Variants in NOC2L observed in about 807,000 individuals in gnomAD.
NOC2L encodes the protein nucleolar complex protein 2 homolog.
Under a neutral mutation model 94.2 loss-of-function variants are expected in NOC2L, and 101 were observed. The observed-to-expected ratio is 1.07, with a 90% confidence interval of 0.91 to 1.26. NOC2L has a LOEUF of 1.26. Ranked by LOEUF, NOC2L falls within the 50% of genes most tolerant of loss-of-function variation. The pLI, the probability that NOC2L is intolerant of heterozygous loss-of-function variation, is 0.00. For missense variants in NOC2L, 1,076 were observed against 980.1 expected (o/e 1.10, Z -1.31); for synonymous variants, 531 against 413.4 (o/e 1.28, Z -3.45).
At position 944,462 on chromosome 1, in the gene NOC2L, G is replaced by A; in HGVS notation, c.*232C>T. On this transcript the variant is annotated 3_prime_UTR_variant, in exon 19 of 19. Transcript: ENST00000327044. ...TGACGTCAGGGTCAGCTCCCCCGCG[G>A]AGCTGACTTCAGCAGCCCACAGCTG... 2.5e-6 allele frequency: 2 copies of A among 804,568 alleles called. No homozygotes were observed. Among genetic ancestry groups the A allele is most frequent in the Non-Finnish European group, 3.7e-6 (2 of 547,774 alleles). 49.8% of individuals were successfully genotyped at this position (804,568 alleles called of 1,614,324 possible).
chr1:946,759 C>T, intron 14 of NOC2L: 1 of 558,770 alleles, frequency 1.8e-6, no homozygotes. Context: ...CTACTCACCT[C>T]TGGAAATAAA....
intron 18 of NOC2L, 99 bp from the exon 19 acceptor site, chr1:944,899 T>C: frequency 1.5e-6 from 2 of 1,365,846 alleles, no homozygotes; most frequent in South Asian, 2.6e-5. Flanking sequence ...CTAATTAATT[T>C]ATCCCTGTTG....
At chr1:946,716 G>T in intron 14 of NOC2L, 171 bp from the exon 15 acceptor site, 1 of 746,768 alleles carries the variant, frequency 1.3e-6, no homozygotes, top group Non-Finnish European at 2.1e-6. Flanking sequence ...GGCAGAGGCA[G>T]AATCAGCCCA....
At position 957,321 on chromosome 1, in the gene NOC2L, G is replaced by T. The variant is rs202009528; in HGVS notation, c.180-48C>A. The T allele has an allele frequency of 4.4e-6, 7 of 1,590,774 alleles. No individual in the cohort carries two copies. In the South Asian group the frequency reaches 7.8e-5, roughly 18 times the overall value. On this transcript the variant is annotated intron_variant, in intron 2 of 18. Coordinates refer to ENST00000327044, the MANE Select transcript of NOC2L (RefSeq NM_015658.4). Reference sequence around the variant, plus strand: ...CCCCAGTGGGAAGTGGAAGTAGAGGGGGCGGGGAGTGGCCTACAGGGTCAG... The same window carrying T: ...CCCCAGTGGGAAGTGGAAGTAGAGGTGGCGGGGAGTGGCCTACAGGGTCAG...
rs373812674 is a variant in NOC2L at position 946,126 on chromosome 1, A to T, written c.1917+47T>A. 1.1e-4 allele frequency: 154 copies of T among 1,378,858 alleles called. No individual in the cohort carries two copies. The African/African-American group carries it at 2.1e-3, about 19-fold the overall frequency. The allele number at this position is 1,378,858 out of a possible 1,614,324, so 85.4% of individuals were successfully genotyped here. A position where few individuals can be genotyped will look rare whatever the true frequency, so the allele number is the denominator to read the frequency against. ...CAAGTCATAGTGCGCTAGATCTGAA[A>T]CCCAGGAAGTCACAACACACCCCCA... On this transcript the variant is annotated intron_variant, in intron 16 of 18. Transcript: ENST00000327044.
intron 2 of NOC2L, 123 bp downstream of exon 2, chr1:958,806 G>A (rs1360977070): frequency 8.4e-6 from 8 of 953,224 alleles, no homozygotes; most frequent in East Asian, 7.5e-5. Context: ...TAAGCTGAAA[G>A]GACTGGGGGG....
chr1:946,530 G>A lies in NOC2L; in HGVS notation c.1675C>T (p.Arg559Trp), dbSNP rs763357220. The A allele has an allele frequency of 3.1e-5, 50 of 1,612,354 alleles. No homozygotes were observed. The highest frequency in any genetic ancestry group is 1.6e-4 in the Middle Eastern group (1 of 6,082). Residue 559 changes from arginine to tryptophan, a missense_variant, in exon 15 of 19, where the codon CGG (arginine) becomes TGG (tryptophan). Coordinates refer to ENST00000327044, the MANE Select transcript of NOC2L (RefSeq NM_015658.4). ...CAGTAGTTGGCCACCTTGCACTCCC[G>A]GAGGAACGACTTCAGCTGCGGAAGG... is the stretch of plus-strand genomic sequence containing the variant. Reference protein sequence around the residue: ...PVVLQLKSFLRECKVANYCRQ... With the variant: ...PVVLQLKSFLWECKVANYCRQ...
intron 18 of NOC2L, 96 bp downstream of exon 18, chr1:944,961 G>A (rs975779165): frequency 2.5e-6 from 4 of 1,581,714 alleles, no homozygotes; most frequent in South Asian, 1.1e-5. Context: ...GGAGGGAAAA[G>A]CCTGGCCCAG....
At position 957,350 on chromosome 1, in the gene NOC2L, A is replaced by G. The variant is rs1642438760; in HGVS notation, c.180-77T>C. 4 of 1,423,934 alleles carry G rather than the reference A, an allele frequency of 2.8e-6. No individual in the cohort carries two copies. The Admixed American group carries it at 6.1e-5, about 22-fold the overall frequency. The allele number at this position is 1,423,934 out of a possible 1,614,324, so 88.2% of individuals were successfully genotyped here. On this transcript the variant is annotated intron_variant, in intron 2 of 18. Transcript: ENST00000327044. ...GGGGAGTGGCCTACAGGGTCAGTCT[A>G]CTCCCTTCACAAGGGTTACCAACTA...
Position 946,436 on chromosome 1 carries a change from C to T in NOC2L, c.1769G>A (p.Arg590Lys), listed in dbSNP as rs1642119931. Residue 590 changes from arginine to lysine, a missense_variant, in exon 15 of 19, where the codon AGG becomes AAG. Physicochemically the swap from Arg to Lys is conservative, Grantham distance 26. Transcript: ENST00000327044. ...CTGCTCAGAGACGCCGAAGGAAACC[C>T]TCTGGCGGCGGCTGCAGATGTATGC... ...NSAYICSRRQ[R>K]VSFGVSEQQA... 6.2e-7 allele frequency: 1 copy of T among 1,613,368 alleles called. No individual in the cohort carries two copies. Among genetic ancestry groups the T allele is most frequent in the African/African-American group, 1.3e-5 (1 of 74,934 alleles).
rs367591999 is a variant in NOC2L at position 953,213 on chromosome 1, G to A, written c.964C>T (p.Arg322Trp). The A allele has an allele frequency of 1.1e-5, 17 of 1,613,328 alleles. No individual in the cohort carries two copies. Among genetic ancestry groups the A allele is most frequent in the African/African-American group, 4.0e-5 (3 of 74,920 alleles). The change falls in exon 9 of 19, where the codon CGG becomes TGG. Residue 322 changes from arginine to tryptophan, a missense_variant. By Grantham distance (101) the Arg-to-Trp change is moderately radical. Transcript: ENST00000327044. ...CCAAGGAAAGTGTCCTTCTTGTGCC[G>A]GCAGACTCTGCTGAGGACCAGGAAA... ...LAFLVLSRVC[R>W]HKKDTFLGPV...
intron 13 of NOC2L, 81 bp downstream of exon 13, chr1:948,409 C>T: frequency 1.7e-6 from 2 of 1,156,628 alleles, no homozygotes; most frequent in African/African-American, 1.5e-5. Context: ...TTGGAGGATG[C>T]CAGCCCCCTC....
At position 953,777 on chromosome 1, in the gene NOC2L, C is replaced by T. The variant is rs759279920; in HGVS notation, c.888+5G>A. ...CAGACACAGGGAGGGGACTGGGCCA[C>T]GAACCTTGAGCAGCATGCGGCACTG... On this transcript the variant is annotated splice_donor_5th_base_variant and intron_variant, in intron 8 of 18. Coordinates refer to ENST00000327044, the MANE Select transcript of NOC2L (RefSeq NM_015658.4). 2 of 1,606,128 alleles carry T rather than the reference C, an allele frequency of 1.2e-6. No individual in the cohort carries two copies. The highest frequency in any genetic ancestry group is 2.2e-5 in the East Asian group (1 of 44,820).
At position 957,153 on chromosome 1, in the gene NOC2L, C is replaced by A. The variant is rs574900813; in HGVS notation, c.300G>T (p.Ser100=). 3 of 1,614,078 alleles carry A rather than the reference C, an allele frequency of 1.9e-6. No individual in the cohort carries two copies. The highest frequency in any genetic ancestry group is 2.5e-6 in the Non-Finnish European group (3 of 1,180,034). The change falls in exon 3 of 19, where the codon TCG becomes TCT. Residue 100 remains serine (S), a synonymous_variant. Transcript: ENST00000327044. ...GCCCCTCTTCCTCCTCAGAGCTGTC[C>A]GAGTCGCTGAAGTTTAGCAGGCTCT... is the stretch of plus-strand genomic sequence containing the variant. ...NDQSLLNFSD[S]DSSEEEEGPF...
intron 11 of NOC2L, 67 bp from the exon 12 acceptor site, chr1:951,305 T>C: frequency 2.5e-6 from 3 of 1,216,950 alleles, no homozygotes; most frequent in Non-Finnish European, 3.6e-6. Flanking sequence ...CCCCCTGCTG[T>C]CTTGGACCTC....
Position 944,430 on chromosome 1 carries a change from G to T in NOC2L, c.*264C>A, listed in dbSNP as rs939422702. ...TCCCCCTGGAACTGGGACTGGTCTC[G>T]GTCTGCTGACGTCAGGGTCAGCTCC... is the stretch of plus-strand genomic sequence containing the variant. On this transcript the variant is annotated 3_prime_UTR_variant, in exon 19 of 19. Transcript: ENST00000327044. 100 of 1,057,082 alleles carry T rather than the reference G, an allele frequency of 9.5e-5. No homozygotes were observed. The Middle Eastern group carries it at 1.6e-3, about 17-fold the overall frequency. 65.5% of individuals were successfully genotyped at this position (1,057,082 alleles called of 1,614,324 possible).
chr1:956,777 A>G, intron 4 of NOC2L, 117 bp downstream of exon 4: 1 of 1,473,552 alleles, frequency 6.8e-7, no homozygotes, highest in Non-Finnish European at 9.3e-7. Context: ...AGGTGAGGCA[A>G]GGCCAGATCT....
At chr1:947,240 C>T (rs1261950177) in intron 14 of NOC2L, among the ~76,000 whole-genome samples, 5 of 152,294 alleles carry the variant, frequency 3.3e-5, no homozygotes, top group African/African-American at 1.2e-4. Flanking sequence ...CCCTTGAGTC[C>T]AGAAGCAGAG....
rs1458186933 is a variant in NOC2L at position 957,273 on chromosome 1, G to A, written c.180C>T (p.Ser60=). Residue 60 remains serine (S), a splice_region_variant and synonymous_variant, in exon 3 of 19, where the codon AGC becomes AGT. Coordinates refer to ENST00000327044, the MANE Select transcript of NOC2L (RefSeq NM_015658.4). ...GCTCAGAGGCACGGCCTTTACGCCG[G>A]CTGAGGAGGCAGAAGTCAGCGACCC... The part of the protein sequence containing the change: ...PDKPGGSPSA[S]RRKGRASEHK... 1 of 1,613,336 alleles carries A rather than the reference G, an allele frequency of 6.2e-7. No individual in the cohort carries two copies. Among genetic ancestry groups the A allele is most frequent in the African/African-American group, 1.3e-5 (1 of 75,044 alleles).
Sources: allele counts gnomAD v4.1 joint callset (sites outside exome capture counted in the v4.1 genomes callset), GRCh38; gene constraint gnomAD v4.1.1; transcripts MANE v1.5; gene names NCBI Gene and HGNC (gene_info 2026-07-23, HGNC 2026-07-21).